DNAH9: variants seen among roughly 807,000 people sequenced by gnomAD.
DNAH9 encodes the protein dynein axonemal heavy chain 9.
A neutral mutation model predicts 471.6 loss-of-function variants in DNAH9; 345 were observed. The ratio of observed to expected loss-of-function variants is 0.73; its 90% CI spans 0.67 to 0.80. The LOEUF is 0.80. Among genes scored for constraint, DNAH9 ranks in the 30% least tolerant of loss-of-function variants. The probability of loss-of-function intolerance (pLI) is 0.00; values close to 1 mark genes in which losing one functional copy is unlikely to be tolerated. For missense variants in DNAH9, 5,407 were observed against 5,609.2 expected, an observed-to-expected ratio of 0.96 and a Z score of 1.15; for synonymous variants, 2,093 against 2,123.6, an observed-to-expected ratio of 0.99 and a Z score of 0.40.
At chr17:11,876,895 T>G (rs985438932) in intron 53 of DNAH9, among the ~76,000 whole-genome samples, 4 of 151,852 alleles carry the variant, frequency 2.6e-5, no homozygotes, top group African/African-American at 4.8e-5. Flanking sequence ...GGCTAACTTT[T>G]TTTTGTATTT....
chr17:11,690,184 C>T lies in DNAH9; in HGVS notation c.4362C>T (p.His1454=), dbSNP rs1567720882. ...WAGMEFQYEP[H]PRTNVPLLCS... ...GCATGGAATTCCAGTATGAGCCCCA[C>T]CCACGGACCAATGTCCCCCTCCTGT... Residue 1454 remains histidine, a synonymous_variant, in exon 20 of 69, where the codon CAC becomes CAT. Transcript: ENST00000262442. The T allele has an allele frequency of 6.2e-7, 1 of 1,614,086 alleles. No homozygotes were observed. Among genetic ancestry groups the T allele is most frequent in the Non-Finnish European group, 8.5e-7 (1 of 1,180,030 alleles).
At chr17:11,671,864 C>G (rs2073977973) in intron 17 of DNAH9, among the ~76,000 whole-genome samples, 1 of 152,164 alleles carries the variant, frequency 6.6e-6, no homozygotes, top group Non-Finnish European at 1.5e-5. Context: ...AGTAGAGCAG[C>G]TAGGAGGCCT....
chr17:11,810,781 C>T (rs1476730874), intron 45 of DNAH9, among the ~76,000 whole-genome samples: 1 of 152,140 alleles, frequency 6.6e-6, no homozygotes, highest in Non-Finnish European at 1.5e-5. Context: ...CATGAGCATG[C>T]ACGCGTAAAA....
Position 11,674,261 on chromosome 17 carries a change from G to A in DNAH9, c.3353+4467G>A, listed in dbSNP as rs533582053. 2.6e-5 allele frequency among the ~76,000 whole-genome samples: 4 copies of A among 152,288 alleles called. No homozygotes were observed. In the Middle Eastern group the frequency reaches 0.01, roughly 388 times the overall value. On this transcript the variant is annotated intron_variant, in intron 17 of 68. Transcript: ENST00000262442. ...AGGGTGTATACTTAAGAGCGGAATTGCTAAGTCAAAGAGTATGCATATAAT... is the reference window on the plus strand; with the variant it reads ...AGGGTGTATACTTAAGAGCGGAATTACTAAGTCAAAGAGTATGCATATAAT...
At chr17:11,728,723 A>G (rs1346599185) in intron 28 of DNAH9, among the ~76,000 whole-genome samples, 1 of 152,158 alleles carries the variant, frequency 6.6e-6, no homozygotes, top group Non-Finnish European at 1.5e-5. Flanking sequence ...GAACGTTTGA[A>G]TAAGCTTTTG....
intron 42 of DNAH9, among the ~76,000 whole-genome samples, chr17:11,794,827 C>T (rs7225975): frequency 0.2 from 30,785 of 150,290 alleles, 3,491 homozygotes; most frequent in African/African-American, 0.31. Flanking sequence ...AAATGTTTCA[C>T]TGTATATGAC....
At chr17:11,831,091 T>C (rs1970671824) in intron 48 of DNAH9, among the ~76,000 whole-genome samples, 1 of 152,224 alleles carries the variant, frequency 6.6e-6, no homozygotes, top group Non-Finnish European at 1.5e-5. Flanking sequence ...GATGACTATA[T>C]GGACACAGCG....
intron 61 of DNAH9, among the ~76,000 whole-genome samples, chr17:11,906,044 G>A (rs1038674811): frequency 5.3e-5 from 8 of 152,168 alleles, no homozygotes; most frequent in East Asian, 3.9e-4. Context: ...AGGAGGCCTC[G>A]TCCCCTCCAC....
At chr17:11,963,744 A>G (rs74441867) in intron 68 of DNAH9, among the ~76,000 whole-genome samples, 1,640 of 152,326 alleles carry the variant, frequency 0.011, 33 homozygotes, top group African/African-American at 0.038. Context: ...ATTCTAGTGG[A>G]TATAGCAAGT....
At chr17:11,957,669 C>T (rs912408590) in intron 67 of DNAH9, among the ~76,000 whole-genome samples, 6 of 151,726 alleles carry the variant, frequency 4.0e-5, no homozygotes, top group Non-Finnish European at 8.8e-5. Context: ...GATGAACCAG[C>T]AAAGAGACAG....
chr17:11,909,482 A>T (rs1973717634), intron 61 of DNAH9, among the ~76,000 whole-genome samples: 1 of 152,134 alleles, frequency 6.6e-6, no homozygotes, highest in African/African-American at 2.4e-5. Flanking sequence ...TGTGTTTCTC[A>T]GGGAAAACCC....
intron 27 of DNAH9, among the ~76,000 whole-genome samples, chr17:11,721,767 C>G (rs373666791): frequency 7.4e-4 from 113 of 152,194 alleles, no homozygotes; most frequent in African/African-American, 2.3e-3. Context: ...ATGATATCAT[C>G]AGGGGAGCTA....
At chr17:11,776,043 A>C (rs118143063) in intron 38 of DNAH9, among the ~76,000 whole-genome samples, 2,945 of 152,244 alleles carry the variant, frequency 0.019, 47 homozygotes, top group Non-Finnish European at 0.027. Flanking sequence ...CTTCCGACTT[A>C]CAGTATGGAT....
chr17:11,821,654 A>G (rs555518280), intron 45 of DNAH9, among the ~76,000 whole-genome samples: 1 of 152,320 alleles, frequency 6.6e-6, no homozygotes, highest in East Asian at 1.9e-4. Context: ...AGCAAAAGAA[A>G]AAAAGACTGT....
chr17:11,697,100 T>C (rs957633715), intron 22 of DNAH9, among the ~76,000 whole-genome samples: 4 of 152,168 alleles, frequency 2.6e-5, no homozygotes, highest in Non-Finnish European at 4.4e-5. Context: ...CAAGTGATCC[T>C]CCCGTCTTGG....
chr17:11,599,524 G>A (rs1158294652), intron 1 of DNAH9, among the ~76,000 whole-genome samples: 1 of 152,204 alleles, frequency 6.6e-6, no homozygotes, highest in Non-Finnish European at 1.5e-5. Flanking sequence ...AGCATAAGAA[G>A]TTGGGCTCCC....
chr17:11,806,772 T>C (rs1283433057), intron 43 of DNAH9, among the ~76,000 whole-genome samples: 1 of 152,206 alleles, frequency 6.6e-6, no homozygotes, highest in Non-Finnish European at 1.5e-5. Flanking sequence ...AACTGTGGAT[T>C]TTTTTCTGTA....
At chr17:11,947,772 A>AATTTTTTTTTTTTT (rs1555528615) in intron 67 of DNAH9, among the ~76,000 whole-genome samples, 1 of 108,344 alleles carries the variant, frequency 9.2e-6, no homozygotes. Context: ...GCTGGGAACT[A>AATTTTTTTTTTTTT]TTTTTTTTTT....
chr17:11,880,834 A>G (rs1972691924), intron 54 of DNAH9, among the ~76,000 whole-genome samples: 1 of 152,200 alleles, frequency 6.6e-6, no homozygotes, highest in Non-Finnish European at 1.5e-5. Flanking sequence ...CATGTCAGCC[A>G]TGAGGAAAAG....
Sources: gnomAD v4.1 joint callset for allele counts (sites outside exome capture counted in the v4.1 genomes callset) on GRCh38, gnomAD v4.1.1 for gene constraint, MANE v1.5 for transcripts, NCBI Gene and HGNC (gene_info 2026-07-23, HGNC 2026-07-21) for gene names.